Variants in ANXA2 observed in about 807,000 individuals in gnomAD.
ANXA2 encodes annexin II.
ANXA2 carries 28 observed loss-of-function variants against 47.3 expected under a neutral mutation model. That is an observed-to-expected ratio of 0.59 (90% confidence interval 0.44 to 0.81). The LOEUF is 0.81. ANXA2 is among the 40% of genes least tolerant of loss of function. ANXA2 has a pLI of 0.00. For synonymous variants in ANXA2, 172 were observed against 155.5 expected, an observed-to-expected ratio of 1.11 and a Z score of -0.79; for missense variants, 384 against 414.3, an observed-to-expected ratio of 0.93 and a Z score of 0.64.
chr15:60,397,878 C>A, intron 1 of ANXA2, 65 bp downstream of exon 1: 1 of 1,378,388 alleles, frequency 7.3e-7, no homozygotes, highest in Non-Finnish European at 9.4e-7. Context: ...TACCCTTCTT[C>A]CCAGCGTCTC....
intron 3 of ANXA2, 103 bp downstream of exon 3, chr15:60,382,239 C>T: frequency 1.2e-6 from 1 of 830,426 alleles, no homozygotes; most frequent in South Asian, 1.4e-5. Flanking sequence ...AGCTCGATGA[C>T]AATTTCAAAT....
intron 1 of ANXA2, among the ~76,000 whole-genome samples, chr15:60,396,757 C>G (rs539829208): frequency 6.6e-6 from 1 of 152,310 alleles, no homozygotes; most frequent in African/African-American, 2.4e-5. Context: ...CACGTGTGAA[C>G]AGAATCCATC....
chr15:60,386,116 A>G (rs1477437460), intron 1 of ANXA2, 30 bp from the exon 2 acceptor site: 1 of 1,518,226 alleles, frequency 6.6e-7, no homozygotes, highest in Non-Finnish European at 9.1e-7. Context: ...AAAAGTCTTT[A>G]TGAAGAGGCT....
At chr15:60,380,156 G>A (rs1347338177) in intron 3 of ANXA2, among the ~76,000 whole-genome samples, 1 of 152,184 alleles carries the variant, frequency 6.6e-6, no homozygotes, top group Admixed American at 6.5e-5. Context: ...GCATGTGCTT[G>A]TACGTGTGTG....
At position 60,347,480 on chromosome 15, in the gene ANXA2, G is replaced by T; in HGVS notation, c.*150C>A. The T allele has an allele frequency of 1.5e-6, 1 of 688,954 alleles. No individual in the cohort carries two copies. 42.7% of individuals were successfully genotyped at this position (688,954 alleles called of 1,614,324 possible). ...AGACTAGACAGGAAGGCCAGGCAAT[G>T]CTTAGGCAACTAAAATGAGGTTGGG... is the stretch of plus-strand genomic sequence containing the variant. On this transcript the variant is annotated 3_prime_UTR_variant, in exon 13 of 13. Transcript: ENST00000451270.
At chr15:60,366,506 T>C (rs866822255) in intron 3 of ANXA2, among the ~76,000 whole-genome samples, 8 of 148,018 alleles carry the variant, frequency 5.4e-5, no homozygotes, top group Admixed American at 2.7e-4. Context: ...CGACCCTGTC[T>C]GGGAGATGAG....
intron 4 of ANXA2, among the ~76,000 whole-genome samples, chr15:60,361,850 C>A (rs2062519260): frequency 6.6e-6 from 1 of 151,894 alleles, no homozygotes; most frequent in African/African-American, 2.4e-5. Context: ...GCTAAACTTC[C>A]TACAAATCAT....
At chr15:60,376,964 G>C (rs1595694499) in intron 3 of ANXA2, among the ~76,000 whole-genome samples, 1 of 152,192 alleles carries the variant, frequency 6.6e-6, no homozygotes, top group Admixed American at 6.5e-5. Flanking sequence ...ACACACACGT[G>C]TGTACACACG....
intron 7 of ANXA2, 43 bp from the exon 8 acceptor site, chr15:60,354,256 T>C (rs765619185): frequency 4.6e-6 from 7 of 1,514,650 alleles, no homozygotes; most frequent in South Asian, 1.2e-5. Context: ...TTTCTTTGTG[T>C]ATTTTAAAAC....
At chr15:60,363,185 G>C (rs1002232978) in intron 4 of ANXA2, among the ~76,000 whole-genome samples, 3 of 152,074 alleles carry the variant, frequency 2.0e-5, no homozygotes, top group Non-Finnish European at 4.4e-5. Flanking sequence ...TGGGAACTTG[G>C]CTCTACCAGC....
intron 3 of ANXA2, among the ~76,000 whole-genome samples, chr15:60,364,968 G>T (rs1244579860): frequency 6.7e-6 from 1 of 149,520 alleles, no homozygotes; most frequent in Non-Finnish European, 1.5e-5. Context: ...CTTATTGCAG[G>T]ATTATGGCTA....
At chr15:60,394,553 G>C (rs1164261924) in intron 1 of ANXA2, 1 of 152,152 alleles carries the variant, frequency 6.6e-6, no homozygotes, top group Non-Finnish European at 1.5e-5. Flanking sequence ...ACAAAGATTA[G>C]CCCGGCATGG....
intron 1 of ANXA2, among the ~76,000 whole-genome samples, chr15:60,392,425 T>C (rs2063025129): frequency 6.7e-6 from 1 of 149,856 alleles, no homozygotes; most frequent in African/African-American, 2.4e-5. Context: ...AAAAACTCTA[T>C]AGATTTTATT....
intron 1 of ANXA2, chr15:60,390,155 T>C (rs989929832): frequency 1.3e-5 from 6 of 473,676 alleles, no homozygotes; most frequent in Non-Finnish European, 1.7e-5. Context: ...TGTATAACCA[T>C]TTTGCAGAAA....
At chr15:60,368,939 A>G (rs981612727) in intron 3 of ANXA2, among the ~76,000 whole-genome samples, 1 of 152,170 alleles carries the variant, frequency 6.6e-6, no homozygotes, top group Admixed American at 6.5e-5. Context: ...AAGACAAGCT[A>G]TGTTATTTAA....
chr15:60,364,872 T>G (rs755842467), intron 3 of ANXA2, among the ~76,000 whole-genome samples: 14 of 151,618 alleles, frequency 9.2e-5, no homozygotes, highest in Non-Finnish European at 1.8e-4. Context: ...TAGTAGGATT[T>G]TAAATGAAGG....
At chr15:60,393,484 T>C (rs2063041269) in intron 1 of ANXA2, 1 of 993,452 alleles carries the variant, frequency 1.0e-6, no homozygotes. Context: ...CCTTCCACAC[T>C]GTGGACTTAC....
chr15:60,347,810 A>C lies in ANXA2; in HGVS notation c.961-121T>G, dbSNP rs1895790363. ...TCCCATGACAAAGAGAAGACTCTGCAGGAGACCTGCCCTGATACAAAGGCC... is the reference window on the plus strand; with the variant it reads ...TCCCATGACAAAGAGAAGACTCTGCCGGAGACCTGCCCTGATACAAAGGCC... On this transcript the variant is annotated intron_variant, in intron 12 of 12. Coordinates refer to ENST00000451270, the MANE Select transcript of ANXA2 (RefSeq NM_004039.3). 5 of 870,598 alleles carry C rather than the reference A, an allele frequency of 5.7e-6. No homozygotes were observed. In the South Asian group the frequency reaches 7.6e-5, roughly 13 times the overall value. The allele number at this position is 870,598 out of a possible 1,614,324, so 53.9% of individuals were successfully genotyped here. A position where few individuals can be genotyped will look rare whatever the true frequency, so the allele number is the denominator to read the frequency against.
At chr15:60,358,652 G>A (rs182198545) in intron 5 of ANXA2, among the ~76,000 whole-genome samples, 1 of 152,130 alleles carries the variant, frequency 6.6e-6, no homozygotes, top group Admixed American at 6.6e-5. Context: ...ATCATGATTT[G>A]TAGAGGTTCC....
Sources: gnomAD v4.1 joint callset for allele counts (sites outside exome capture counted in the v4.1 genomes callset) on GRCh38, gnomAD v4.1.1 for gene constraint, MANE v1.5 for transcripts, NCBI Gene and HGNC (gene_info 2026-07-23, HGNC 2026-07-21) for gene names.